GPAM: variants seen among roughly 807,000 people sequenced by gnomAD.
GPAM encodes the protein glycerol-3-phosphate acyltransferase, mitochondrial, also known as glycerol-3-phosphate acyltransferase 1, mitochondrial.
Under a neutral mutation model 105.0 loss-of-function variants are expected in GPAM, and 56 were observed. The observed-to-expected ratio is 0.53, with a 90% CI of 0.43 to 0.67. The LOEUF (loss-of-function observed/expected upper bound fraction) is 0.67, where lower values mean the gene tolerates loss of function less well. Ranked by LOEUF, GPAM falls within the 30% of genes least tolerant of loss-of-function variation. GPAM has a pLI of 0.00. For missense variants in GPAM, 855 were observed against 989.8 expected (o/e 0.86, Z 1.83); for synonymous variants, 368 against 354.4 (o/e 1.04, Z -0.43).
the GPAM span, among the ~76,000 whole-genome samples, chr10:112,222,206 T>G: frequency 1.3e-5 from 2 of 152,230 alleles, no homozygotes; most frequent in African/African-American, 2.4e-5. Context: ...TTCTATTTTT[T>G]ATAATGAATT....
Position 112,156,036 on chromosome 10 carries a change from C to A in GPAM, c.2139G>T (p.Glu713Asp), listed in dbSNP as rs770336913. Residue 713 changes from glutamate (E) to aspartate (D), a missense_variant, in exon 20 of 22, where the codon GAG becomes GAT. Physicochemically the swap from Glu to Asp is conservative, Grantham distance 45. Transcript: ENST00000348367. ...GTAAGAAGGTGATAAACTGCTGGTG[C>A]TCCTTGGATTGGCTCACCTGAGTGT... ...DCYLKVSQSK[E>D]HQQFITFLQR... is the part of the protein sequence containing the mutation. The A allele has an allele frequency of 1.2e-6, 2 of 1,612,428 alleles. No homozygotes were observed. Among genetic ancestry groups the A allele is most frequent in the Non-Finnish European group, 1.7e-6 (2 of 1,178,790 alleles).
intron 14 of GPAM, among the ~76,000 whole-genome samples, chr10:112,162,742 A>C (rs1387848211): frequency 6.6e-6 from 1 of 152,066 alleles, no homozygotes; most frequent in Admixed American, 6.5e-5. Flanking sequence ...ACTGTAAAAA[A>C]TATTTTTAGA....
chr10:112,189,714 T>C (rs1847634311), intron 1 of GPAM, among the ~76,000 whole-genome samples: 1 of 152,164 alleles, frequency 6.6e-6, no homozygotes, highest in Non-Finnish European at 1.5e-5. Context: ...GTTCCTGAAG[T>C]TTTTCTTTCC....
chr10:112,150,333 C>T lies in GPAM; in HGVS notation c.*3217G>A, dbSNP rs911295589. On this transcript the variant is annotated 3_prime_UTR_variant, in exon 22 of 22. Coordinates refer to ENST00000348367, the MANE Select transcript of GPAM (RefSeq NM_001244949.2). ...AGATCTGAATTAAAACCTTATTTAC[C>T]CCAATTCATCCATGTATTCTGATAC... The T allele has an allele frequency of 1.0e-6, 1 of 984,670 alleles. No homozygotes were observed. Among genetic ancestry groups the T allele is most frequent in the Non-Finnish European group, 1.2e-6 (1 of 828,926 alleles). 61.0% of individuals were successfully genotyped at this position (984,670 alleles called of 1,614,324 possible).
chr10:112,214,342 A>G (rs1046906127), intron 1 of GPAM: 1 of 152,232 alleles, frequency 6.6e-6, no homozygotes, highest in Non-Finnish European at 1.5e-5. Flanking sequence ...TTTTCCACTC[A>G]ATACTAAAAC....
chr10:112,196,323 C>T (rs377412491), intron 1 of GPAM, among the ~76,000 whole-genome samples: 32 of 152,164 alleles, frequency 2.1e-4, no homozygotes, highest in African/African-American at 5.8e-4. Context: ...TAAGTATAAT[C>T]GGAAGGAAGA....
intron 1 of GPAM, among the ~76,000 whole-genome samples, chr10:112,214,029 A>G (rs772131530): frequency 1.3e-5 from 2 of 152,152 alleles, no homozygotes; most frequent in Non-Finnish European, 2.9e-5. Context: ...ACTCTGGATA[A>G]TCTCAGGAAA....
intron 18 of GPAM, 48 bp downstream of exon 18, chr10:112,158,268 A>G: frequency 2.8e-6 from 3 of 1,072,304 alleles, no homozygotes; most frequent in Non-Finnish European, 4.4e-6. Context: ...AAGGTAAGGG[A>G]ATGAAGAGTA....
rs561384047 is a variant in GPAM, at chr10:112,164,168, T to C, written c.1308-352A>G. ...CAATTTCTCTAAGTTAAAATTCAAT[T>C]TGAATTCAATTTGAATTCCGAAAAA... On this transcript the variant is annotated intron_variant, in intron 13 of 21. Coordinates refer to ENST00000348367, the MANE Select transcript of GPAM (RefSeq NM_001244949.2). 3.1e-4 allele frequency among the ~76,000 whole-genome samples: 47 copies of C among 152,338 alleles called. 1 individual carries two copies. The highest frequency in any genetic ancestry group is 1.0e-3 in the African/African-American group (42 of 41,590).
Position 112,152,318 on chromosome 10 carries a change from C to A in GPAM, c.*1232G>T. On this transcript the variant is annotated 3_prime_UTR_variant, in exon 22 of 22. Transcript: ENST00000348367. ...AATTATGCTCCCTGCTCACAAAAGGCACCTACCAATTATGAACAGACCATT... is the reference window on the plus strand; with the variant it reads ...AATTATGCTCCCTGCTCACAAAAGGAACCTACCAATTATGAACAGACCATT... 1.0e-6 allele frequency: 1 copy of A among 984,734 alleles called. No homozygotes were observed. Among genetic ancestry groups the A allele is most frequent in the South Asian group, 4.7e-5 (1 of 21,276 alleles). The allele number at this position is 984,734 out of a possible 1,614,324, so 61.0% of individuals were successfully genotyped here.
chr10:112,160,443 G>C, intron 16 of GPAM, 161 bp downstream of exon 16: 1 of 702,852 alleles, frequency 1.4e-6, no homozygotes, highest in Non-Finnish European at 1.7e-6. Context: ...ATTGTAAACA[G>C]TGATATAACA....
At chr10:112,170,301 C>A (rs912718205) in intron 9 of GPAM, among the ~76,000 whole-genome samples, 8 of 152,082 alleles carry the variant, frequency 5.3e-5, no homozygotes, top group African/African-American at 1.9e-4. Flanking sequence ...GAGCCATCCA[C>A]AAAAATAACA....
chr10:112,206,261 C>T (rs1332773509), intron 1 of GPAM, among the ~76,000 whole-genome samples: 1 of 17,162 alleles, frequency 5.8e-5, no homozygotes, highest in Admixed American at 9.2e-4. Flanking sequence ...GTCAGTGTGA[C>T]GATTCCTCAG....
At chr10:112,179,354 T>A (rs747270298) in intron 4 of GPAM, among the ~76,000 whole-genome samples, 16 of 152,190 alleles carry the variant, frequency 1.1e-4, no homozygotes, top group Non-Finnish European at 1.9e-4. Flanking sequence ...AAAATTAGAA[T>A]TAGACTAGAT....
intron 13 of GPAM, among the ~76,000 whole-genome samples, 168 bp downstream of exon 13, chr10:112,164,357 C>T (rs1213285243): frequency 6.6e-6 from 1 of 152,142 alleles, no homozygotes; most frequent in Non-Finnish European, 1.5e-5. Context: ...AACTTCCAAA[C>T]TAATATGAAA....
At chr10:112,197,350 C>A (rs868148366) in intron 1 of GPAM, among the ~76,000 whole-genome samples, 1 of 150,492 alleles carries the variant, frequency 6.6e-6, no homozygotes, top group South Asian at 2.1e-4. Context: ...GGTTAGTAAA[C>A]TTATTTTATA....
At chr10:112,220,038 C>T (rs1050861275), upstream of GPAM, among the ~76,000 whole-genome samples, 3 of 152,202 alleles carry the variant, frequency 2.0e-5, no homozygotes, top group Non-Finnish European at 4.4e-5. Context: ...GATAACATTG[C>T]TCTTGTAGAA....
In GPAM at chr10:112,160,043, A is replaced by G; in HGVS notation, c.1770T>C (p.Leu590=). Residue 590 remains leucine (L), a synonymous_variant, in exon 17 of 22, where the codon CTT becomes CTC. Coordinates refer to ENST00000348367, the MANE Select transcript of GPAM (RefSeq NM_001244949.2). ...GTCCCCTCTTGTTCAGAACTGCATAAAGGCTGCAAGCTAAGAAAAGAAAAG... is the reference window on the plus strand; with the variant it reads ...GTCCCCTCTTGTTCAGAACTGCATAGAGGCTGCAAGCTAAGAAAAGAAAAG... The part of the protein sequence containing the change: ...FIMEAIIACS[L]YAVLNKRGLG... 1.9e-6 allele frequency: 3 copies of G among 1,614,096 alleles called. No homozygotes were observed. The highest frequency in any genetic ancestry group is 2.5e-6 in the Non-Finnish European group (3 of 1,179,990).
chr10:112,226,329 G>A, the GPAM span, among the ~76,000 whole-genome samples: 2 of 152,204 alleles, frequency 1.3e-5, no homozygotes, highest in Non-Finnish European at 2.9e-5. Context: ...TGTGGAGAGT[G>A]TGGGAGGGGA....
Sources: gnomAD v4.1 joint callset for allele counts (sites outside exome capture counted in the v4.1 genomes callset) on GRCh38, gnomAD v4.1.1 for gene constraint, MANE v1.5 for transcripts, NCBI Gene and HGNC (gene_info 2026-07-23, HGNC 2026-07-21) for gene names.